Variants in RANBP2 observed in about 807,000 individuals in gnomAD.
RANBP2 encodes the protein RAN binding protein 2.
A neutral mutation model predicts 303.6 loss-of-function variants in RANBP2; 57 were observed. The observed-to-expected ratio is 0.19, with a 90% CI of 0.15 to 0.23. The LOEUF (loss-of-function observed/expected upper bound fraction) is 0.23. Among genes scored for constraint, RANBP2 ranks in the 10% least tolerant of loss-of-function variants. The pLI, the probability that RANBP2 is intolerant of heterozygous loss-of-function variation, is 1.00. For missense variants in RANBP2, 3,138 were observed against 3,780.8 expected, an observed-to-expected ratio of 0.83 and a Z score of 4.46; for synonymous variants, 1,167 against 1,301.5, an observed-to-expected ratio of 0.90 and a Z score of 2.23.
the RANBP2 span, among the ~76,000 whole-genome samples, chr2:108,953,852 AAGGGTCAAGTGAAGTTGAACCAG>A: frequency 1.3e-5 from 2 of 152,204 alleles, no homozygotes; most frequent in African/African-American, 4.8e-5. Context: ...TTGTGTGCCC[AAGGGTCAAGTGAAGTTGAACCAG>A]ACAGGTCAGA....
chr2:108,726,978 G>A (rs1382500145), intron 1 of RANBP2, among the ~76,000 whole-genome samples: 5 of 152,320 alleles, frequency 3.3e-5, no homozygotes, highest in African/African-American at 1.2e-4. Context: ...AAGATCCCAA[G>A]GCAGAAGAAT....
At chr2:109,506,266 T>G in the RANBP2 span, among the ~76,000 whole-genome samples, 1 of 152,178 alleles carries the variant, frequency 6.6e-6, no homozygotes, top group Admixed American at 6.5e-5. Context: ...TGACAGGTGG[T>G]GTACCTGAAC....
At chr2:109,436,459 G>A in the RANBP2 span, among the ~76,000 whole-genome samples, 3 of 152,214 alleles carry the variant, frequency 2.0e-5, no homozygotes, top group Admixed American at 6.5e-5. Flanking sequence ...CAGCAGATGC[G>A]AGGTGGCAGT....
chr2:109,418,031 G>A, the RANBP2 span, among the ~76,000 whole-genome samples: 1 of 152,068 alleles, frequency 6.6e-6, no homozygotes, highest in African/African-American at 2.4e-5. Context: ...GTCTCTGCTT[G>A]TAGTGCCTTT....
At chr2:108,775,245 CTT>C (rs1470395602) in intron 23 of RANBP2, among the ~76,000 whole-genome samples, 2 of 152,078 alleles carry the variant, frequency 1.3e-5, no homozygotes, top group African/African-American at 2.4e-5. Flanking sequence ...ATATCATTCT[CTT>C]ATTGATTTCT....
At chr2:109,466,270 A>T in the RANBP2 span, among the ~76,000 whole-genome samples, 1 of 151,696 alleles carries the variant, frequency 6.6e-6, no homozygotes, top group Non-Finnish European at 1.5e-5. Context: ...TTTAGTAGAG[A>T]CGGGGTTTCA....
chr2:109,427,483 G>C, the RANBP2 span, among the ~76,000 whole-genome samples: 1 of 152,292 alleles, frequency 6.6e-6, no homozygotes, highest in South Asian at 2.1e-4. Flanking sequence ...GAGGGCTGTT[G>C]AAACACAGAT....
chr2:109,145,857 G>T, the RANBP2 span, among the ~76,000 whole-genome samples: 9 of 152,154 alleles, frequency 5.9e-5, no homozygotes, highest in Non-Finnish European at 1.2e-4. Flanking sequence ...AAGGCAGGAC[G>T]GAGCCGCAGA....
chr2:109,288,795 A>G, the RANBP2 span, among the ~76,000 whole-genome samples: 3 of 151,766 alleles, frequency 2.0e-5, no homozygotes, highest in Non-Finnish European at 4.4e-5. Context: ...AAGCTACTAC[A>G]GGAGGACTCA....
chr2:109,328,977 C>T, the RANBP2 span, among the ~76,000 whole-genome samples: 61 of 152,304 alleles, frequency 4.0e-4, no homozygotes, highest in African/African-American at 1.3e-3. Flanking sequence ...CTTCCTCCCA[C>T]GTCCTGGTGG....
the RANBP2 span, among the ~76,000 whole-genome samples, chr2:108,938,687 T>C: frequency 6.6e-6 from 1 of 152,294 alleles, no homozygotes; most frequent in South Asian, 2.1e-4. Context: ...TTTTGCCTTA[T>C]CAAAATTGAG....
the RANBP2 span, among the ~76,000 whole-genome samples, chr2:108,937,131 G>A: frequency 6.6e-6 from 1 of 152,226 alleles, no homozygotes; most frequent in Non-Finnish European, 1.5e-5. Context: ...GAAGTGACTG[G>A]CAACAGAGCA....
the RANBP2 span, among the ~76,000 whole-genome samples, chr2:109,446,439 A>T: frequency 6.6e-6 from 1 of 152,210 alleles, no homozygotes; most frequent in Non-Finnish European, 1.5e-5. Context: ...TCCAGCGAAC[A>T]TGTAAATTAC....
At chr2:109,380,136 A>G in the RANBP2 span, among the ~76,000 whole-genome samples, 1 of 152,192 alleles carries the variant, frequency 6.6e-6, no homozygotes, top group African/African-American at 2.4e-5. Flanking sequence ...CCACACATAC[A>G]TGGGTGTTCA....
At chr2:109,410,850 G>T in the RANBP2 span, among the ~76,000 whole-genome samples, 1 of 109,498 alleles carries the variant, frequency 9.1e-6, no homozygotes, top group African/African-American at 3.5e-5. Flanking sequence ...TCGGAGCAGA[G>T]ATTTCCATTG....
the RANBP2 span, among the ~76,000 whole-genome samples, chr2:109,057,837 G>A: frequency 6.6e-6 from 1 of 152,162 alleles, no homozygotes; most frequent in Admixed American, 6.5e-5. Flanking sequence ...ATCTCTGTGT[G>A]TTTTCTCCTG....
chr2:108,798,540 A>G, the RANBP2 span: 2 of 1,613,762 alleles, frequency 1.2e-6, no homozygotes, highest in Middle Eastern at 1.7e-4. Context: ...AGTAAAATTA[A>G]AGGTGTTGAA....
the RANBP2 span, chr2:109,419,410 G>T: frequency 3.2e-6 from 3 of 944,180 alleles, no homozygotes; most frequent in African/African-American, 1.6e-5. Flanking sequence ...GGCACAGCAC[G>T]TTGGAGGCCA....
Position 108,772,985 on chromosome 2 carries a change from A to G in RANBP2, c.8231A>G (p.Asp2744Gly), listed in dbSNP as rs1677614645. Residue 2744 changes from aspartate to glycine, a missense_variant, in exon 23 of 29, where the codon GAT (aspartate) becomes GGT (glycine). By Grantham distance (94) the Asp-to-Gly change is moderately conservative. Coordinates refer to ENST00000283195, the MANE Select transcript of RANBP2 (RefSeq NM_006267.5). ...TTTTGTGGAGTCTGTAGTGATACTG[A>G]TGAAGACAATGGAAATGGGGAGGAC... ...TFFCGVCSDT[D>G]EDNGNGEDFQ... The G allele has an allele frequency of 1.2e-6, 2 of 1,614,070 alleles. No individual in the cohort carries two copies. Among genetic ancestry groups the G allele is most frequent in the Non-Finnish European group, 1.7e-6 (2 of 1,179,956 alleles).
Sources: gnomAD v4.1 joint callset for allele counts (sites outside exome capture counted in the v4.1 genomes callset) on GRCh38, gnomAD v4.1.1 for gene constraint, MANE v1.5 for transcripts, NCBI Gene and HGNC (gene_info 2026-07-23, HGNC 2026-07-21) for gene names.